Variants in NFATC1 observed in about 807,000 individuals in gnomAD.
NFATC1 encodes the protein nuclear factor of activated T-cells, cytoplasmic 1.
In NFATC1, 22 loss-of-function variants were observed where a neutral mutation model predicts 76.0. The ratio of observed to expected loss-of-function variants is 0.29; its 90% CI spans 0.21 to 0.41. The LOEUF (loss-of-function observed/expected upper bound fraction) is 0.41. Among genes scored for constraint, NFATC1 ranks in the 10% least tolerant of loss-of-function variants. The pLI, the probability that NFATC1 is intolerant of heterozygous loss-of-function variation, is 1.00. For missense variants in NFATC1, 1,357 were observed against 1,337.7 expected, an observed-to-expected ratio of 1.01 and a Z score of -0.23; for synonymous variants, 704 against 613.1, an observed-to-expected ratio of 1.15 and a Z score of -2.19.
chr18:79,480,298 C>T (rs1391073589), intron 8 of NFATC1, among the ~76,000 whole-genome samples: 1 of 152,116 alleles, frequency 6.6e-6, no homozygotes, highest in South Asian at 2.1e-4. Context: ...GAGCCCCAGG[C>T]TTCAGAAAGA....
At chr18:79,406,794 T>C (rs1177604065) in intron 1 of NFATC1, among the ~76,000 whole-genome samples, 1 of 152,066 alleles carries the variant, frequency 6.6e-6, no homozygotes, top group Non-Finnish European at 1.5e-5. Flanking sequence ...GCCTTCCTTC[T>C]GTCCACCGTT....
chr18:79,463,711 G>A (rs545052663), intron 7 of NFATC1, among the ~76,000 whole-genome samples: 6 of 152,226 alleles, frequency 3.9e-5, no homozygotes, highest in Non-Finnish European at 5.9e-5. Flanking sequence ...CTGGCTCTCC[G>A]TCCCTCTGCC....
At chr18:79,461,073 C>T (rs900873611) in intron 6 of NFATC1, among the ~76,000 whole-genome samples, 10 of 152,244 alleles carry the variant, frequency 6.6e-5, no homozygotes, top group Admixed American at 2.6e-4. Context: ...CCCTGAGCCG[C>T]GTGTCCTCAG....
At chr18:79,448,660 A>T in intron 3 of NFATC1, 122 bp from the exon 4 acceptor site, 1 of 900,660 alleles carries the variant, frequency 1.1e-6, no homozygotes, top group Non-Finnish European at 1.7e-6. Context: ...GCAGAGAAAT[A>T]AAAAGGGGGC....
At chr18:79,422,134 G>T (rs1403703469) in intron 2 of NFATC1, 1 of 152,200 alleles carries the variant, frequency 6.6e-6, no homozygotes, top group Non-Finnish European at 1.5e-5. Flanking sequence ...TTTCCCGTAG[G>T]TCCAAGCTGA....
At chr18:79,449,063 G>A in intron 4 of NFATC1, 79 bp downstream of exon 4, 5 of 1,448,502 alleles carry the variant, frequency 3.5e-6, no homozygotes, top group Non-Finnish European at 4.7e-6. Context: ...CGGGGGGTCT[G>A]GCCAGCCCCC....
intron 6 of NFATC1, among the ~76,000 whole-genome samples, chr18:79,456,170 ACTGTCACGGAACCACCGTGGCTTTGGG>A (rs1293154084): frequency 8.5e-5 from 13 of 152,286 alleles, no homozygotes; most frequent in East Asian, 7.7e-4. Context: ...AGGACACGGA[ACTGTCACGGAACCACCGTGGCTTTGGG>A]CTGTCACGGA....
At chr18:79,412,386 T>C (rs1158416847) in intron 2 of NFATC1, among the ~76,000 whole-genome samples, 4 of 151,852 alleles carry the variant, frequency 2.6e-5, no homozygotes, top group Non-Finnish European at 5.9e-5. Context: ...GAAGAGGCGT[T>C]TGCCACGCGC....
chr18:79,416,011 G>A (rs2085863893), intron 2 of NFATC1, among the ~76,000 whole-genome samples: 1 of 152,228 alleles, frequency 6.6e-6, no homozygotes. Flanking sequence ...GCAGTGAGCT[G>A]AGGTCGTGCC....
At chr18:79,474,409 TTC>T (rs1220288341) in intron 8 of NFATC1, among the ~76,000 whole-genome samples, 2 of 143,662 alleles carry the variant, frequency 1.4e-5, no homozygotes, top group Non-Finnish European at 3.0e-5. Flanking sequence ...GGGAAGCGTG[TTC>T]TCTCACTGTC....
chr18:79,513,117 G>A (rs560375568), intron 9 of NFATC1, among the ~76,000 whole-genome samples: 1 of 152,238 alleles, frequency 6.6e-6, no homozygotes, highest in South Asian at 2.1e-4. Context: ...AGCACTGCCA[G>A]TATTTTAATT....
rs79145415 is a variant in NFATC1, at chr18:79,523,489, G to A, written c.2783-4039G>A. Reference sequence around the variant, plus strand: ...GTACGAATACTTGACTGAGAAAGGCGTCTCGCCTACGGCTTGTTTACGCAC... The same window carrying A: ...GTACGAATACTTGACTGAGAAAGGCATCTCGCCTACGGCTTGTTTACGCAC... On this transcript the variant is annotated intron_variant, in intron 9 of 9. Coordinates refer to ENST00000427363, the MANE Select transcript of NFATC1 (RefSeq NM_001278669.2). 1.3e-3 allele frequency among the ~76,000 whole-genome samples: 195 copies of A among 152,396 alleles called. 5 individuals carry two copies. The East Asian group carries it at 0.029, about 23-fold the overall frequency.
chr18:79,427,002 G>C (rs913459926), intron 2 of NFATC1, among the ~76,000 whole-genome samples: 9 of 152,244 alleles, frequency 5.9e-5, no homozygotes, highest in Admixed American at 6.5e-5. Flanking sequence ...GGAATGGTGG[G>C]GGCTCCATGT....
At chr18:79,446,453 T>C (rs2144749361) in intron 3 of NFATC1, among the ~76,000 whole-genome samples, 1 of 152,196 alleles carries the variant, frequency 6.6e-6, no homozygotes, top group African/African-American at 2.4e-5. Context: ...GTAAATTAAA[T>C]TTTTAGGTAT....
chr18:79,514,536 C>T (rs2090332134), intron 9 of NFATC1, among the ~76,000 whole-genome samples: 1 of 137,812 alleles, frequency 7.3e-6, no homozygotes, highest in Non-Finnish European at 1.5e-5. Flanking sequence ...ACTGCATCTC[C>T]AGCCAGTGAC....
chr18:79,398,430 C>T (rs1020235494), intron 1 of NFATC1, among the ~76,000 whole-genome samples: 3 of 152,268 alleles, frequency 2.0e-5, no homozygotes, highest in Non-Finnish European at 4.4e-5. Context: ...AGGATGCGTC[C>T]AAGCTAAACA....
At position 79,410,962 on chromosome 18, in the gene NFATC1, A is replaced by G. The variant is rs1213226531; in HGVS notation, c.687A>G (p.Thr229=). Residue 229 remains threonine (T), a synonymous_variant, in exon 2 of 10, where the codon ACA becomes ACG. Transcript: ENST00000427363. This position sits in a 1 kb window ranked among gnomAD's most constrained non-coding sequence, Gnocchi z 6.7. The part of the protein sequence containing the change: ...EGFPRGLGAC[T]LLGSPRHSPS... The stretch of plus-strand genomic sequence containing the variant: ...TTCCCCGCGGGCTGGGGGCCTGCAC[A>G]CTGCTGGGTTCCCCGCGGCACTCCC... 3.7e-6 allele frequency: 6 copies of G among 1,601,460 alleles called. No individual in the cohort carries two copies. In the African/African-American group the frequency reaches 4.0e-5, roughly 11 times the overall value.
intron 6 of NFATC1, among the ~76,000 whole-genome samples, chr18:79,460,876 A>G (rs1484863790): frequency 3.9e-5 from 6 of 152,152 alleles, no homozygotes; most frequent in Non-Finnish European, 8.8e-5. Flanking sequence ...GACGCCCTGC[A>G]CACGCTCTGC....
intron 8 of NFATC1, among the ~76,000 whole-genome samples, chr18:79,479,670 G>C (rs1020124914): frequency 2.6e-5 from 4 of 152,244 alleles, no homozygotes; most frequent in Admixed American, 2.6e-4. Context: ...ACATGACTTA[G>C]CAGAGAACAT....
Sources: allele counts gnomAD v4.1 joint callset (sites outside exome capture counted in the v4.1 genomes callset), GRCh38; gene constraint gnomAD v4.1.1; non-coding constraint Gnocchi (gnomAD v3.1); transcripts MANE v1.5; gene names NCBI Gene and HGNC (gene_info 2026-07-23, HGNC 2026-07-21).